Variants in ALB observed in about 807,000 individuals in gnomAD.
ALB encodes the protein serum albumin.
ALB carries 37 observed loss-of-function variants against 74.5 expected under a neutral mutation model. The ratio of observed to expected loss-of-function variants is 0.50; its 90% CI spans 0.38 to 0.65. The LOEUF (loss-of-function observed/expected upper bound fraction) is 0.65, where lower values mean the gene tolerates loss of function less well. Among genes scored for constraint, ALB ranks in the 30% least tolerant of loss-of-function variants. The probability of loss-of-function intolerance (pLI) is 0.00; values close to 1 mark genes in which losing one functional copy is unlikely to be tolerated. For missense variants in ALB, 685 were observed against 718.7 expected, an observed-to-expected ratio of 0.95 and a Z score of 0.54; for synonymous variants, 249 against 251.6, an observed-to-expected ratio of 0.99 and a Z score of 0.10.
rs1719130054 is a variant in ALB, at chr4:73,421,123, G to A, written c.*55G>A. On this transcript the variant is annotated 3_prime_UTR_variant, in exon 15 of 15. Transcript: ENST00000295897. ...ATGAGAATAAGAGAAAGAAAATGAA[G>A]ATCAAAAGCTTATTCATCTGTTTTT... The A allele has an allele frequency of 1.4e-6, 1 of 697,160 alleles. No individual in the cohort carries two copies. The highest frequency in any genetic ancestry group is 1.8e-5 in the African/African-American group (1 of 56,866). 43.2% of individuals were successfully genotyped at this position (697,160 alleles called of 1,614,324 possible). A position where few individuals can be genotyped will look rare whatever the true frequency, so the allele number is the denominator to read the frequency against.
intron 3 of ALB, among the ~76,000 whole-genome samples, chr4:73,407,665 GAAT>G (rs983823775): frequency 6.6e-6 from 1 of 152,104 alleles, no homozygotes; most frequent in Non-Finnish European, 1.5e-5. Context: ...TACCTGGGTG[GAAT>G]AATAGTACAG....
chr4:73,408,612 A>G lies in ALB; in HGVS notation c.289A>G (p.Lys97Glu), dbSNP rs1452576850. 6.2e-7 allele frequency: 1 copy of G among 1,613,878 alleles called. No homozygotes were observed. The highest frequency in any genetic ancestry group is 8.5e-7 in the Non-Finnish European group (1 of 1,179,912). ...DKSLHTLFGDKLCTVATLRET... is the reference protein window; with the variant it reads ...DKSLHTLFGDELCTVATLRET... ...CATTTAGCATACCCTTTTTGGAGAC[A>G]AATTATGCACAGTTGCAACTCTTCG... Residue 97 changes from lysine (K) to glutamate (E), a missense_variant, in exon 4 of 15, where the codon AAA (lysine) becomes GAA (glutamate). Coordinates refer to ENST00000295897, the MANE Select transcript of ALB (RefSeq NM_000477.7).
chr4:73,404,511 C>A (rs1044205877), intron 1 of ALB, 105 bp downstream of exon 1: 5 of 951,018 alleles, frequency 5.3e-6, no homozygotes, highest in Non-Finnish European at 8.4e-6. Context: ...GCATTTATTT[C>A]TAAAATGGCA....
intron 12 of ALB, 53 bp from the exon 13 acceptor site, chr4:73,419,454 A>G: frequency 6.4e-7 from 1 of 1,559,184 alleles, no homozygotes; most frequent in Non-Finnish European, 8.7e-7. Flanking sequence ...ATTTTTCTAT[A>G]CGTGAGTAAT....
chr4:73,420,085 C>T (rs952871287), intron 13 of ALB, among the ~76,000 whole-genome samples, 169 bp from the exon 14 acceptor site: 1 of 152,064 alleles, frequency 6.6e-6, no homozygotes, highest in Non-Finnish European at 1.5e-5. Context: ...CATTTGGGGA[C>T]AACTATGTCC....
At chr4:73,405,780 T>C (rs962368215) in intron 2 of ALB, among the ~76,000 whole-genome samples, 14 of 152,066 alleles carry the variant, frequency 9.2e-5, no homozygotes, top group South Asian at 4.2e-4. Context: ...TTAGTAGAGA[T>C]GGGGTTTCAC....
chr4:73,411,660 A>T (rs1718880440), intron 6 of ALB, among the ~76,000 whole-genome samples: 1 of 152,142 alleles, frequency 6.6e-6, no homozygotes. Context: ...CCCTCTGCTA[A>T]CAAGTCCTAC....
chr4:73,417,453 G>A (rs995265675), intron 10 of ALB, 78 bp from the exon 11 acceptor site: 94 of 1,540,086 alleles, frequency 6.1e-5, no homozygotes, highest in Admixed American at 1.7e-4. Context: ...AGTTGATTCC[G>A]GCCAAGTGTT....
At chr4:73,407,301 T>C (rs1391938974) in intron 3 of ALB, among the ~76,000 whole-genome samples, 1 of 152,180 alleles carries the variant, frequency 6.6e-6, no homozygotes, top group African/African-American at 2.4e-5. Context: ...AGCATTATAC[T>C]CTTTGATTCT....
At chr4:73,409,876 T>A (rs1718828196) in intron 5 of ALB, among the ~76,000 whole-genome samples, 1 of 152,192 alleles carries the variant, frequency 6.6e-6, no homozygotes, top group East Asian at 1.9e-4. Flanking sequence ...TGCATCTAGA[T>A]GCCTGAGTTC....
In ALB at chr4:73,406,646, C is replaced by T. The variant is rs1232154519; in HGVS notation, c.155C>T (p.Ala52Val). 1 of 1,613,770 alleles carries T rather than the reference C, an allele frequency of 6.2e-7. No homozygotes were observed. Among genetic ancestry groups the T allele is most frequent in the Non-Finnish European group, 8.5e-7 (1 of 1,179,906 alleles). The stretch of plus-strand genomic sequence containing the variant: ...TGTTTCAGGGTGTTGATTGCCTTTG[C>T]TCAGTATCTTCAGCAGTGTCCATTT... ...NFKALVLIAF[A>V]QYLQQCPFED... is the part of the protein sequence containing the mutation. The change falls in exon 3 of 15, where the codon GCT becomes GTT. Residue 52 changes from alanine (A) to valine (V), a missense_variant. Coordinates refer to ENST00000295897, the MANE Select transcript of ALB (RefSeq NM_000477.7).
intron 10 of ALB, 31 bp from the exon 11 acceptor site, chr4:73,417,500 T>G (rs1429724207): frequency 6.2e-7 from 1 of 1,613,628 alleles, no homozygotes; most frequent in Non-Finnish European, 8.5e-7. Flanking sequence ...GTTTCTTGCC[T>G]TGCTGAAAAC....
intron 8 of ALB, among the ~76,000 whole-genome samples, chr4:73,414,568 A>G (rs1399466504): frequency 6.6e-6 from 1 of 152,088 alleles, no homozygotes; most frequent in African/African-American, 2.4e-5. Context: ...GGTTCAAGCG[A>G]TTCTCCTGCC....
chr4:73,418,953 G>A (rs2149329842), intron 12 of ALB, among the ~76,000 whole-genome samples: 1 of 152,260 alleles, frequency 6.6e-6, no homozygotes, highest in South Asian at 2.1e-4. Context: ...GTCAGTGAAA[G>A]AGAACCAGCA....
chr4:73,404,302 T>C lies in ALB; in HGVS notation c.-26T>C. 6.3e-7 allele frequency: 1 copy of C among 1,582,448 alleles called. No individual in the cohort carries two copies. The highest frequency in any genetic ancestry group is 8.7e-7 in the Non-Finnish European group (1 of 1,151,312). ...TCCGTTTGTCCTAGCTTTTCTCTTC[T>C]GTCAACCCCACACGCCTTTGGCACA... is the stretch of plus-strand genomic sequence containing the variant. On this transcript the variant is annotated 5_prime_UTR_variant, in exon 1 of 15. Coordinates refer to ENST00000295897, the MANE Select transcript of ALB (RefSeq NM_000477.7).
At chr4:73,413,269 A>T (rs1718924196) in intron 7 of ALB, 151 bp from the exon 8 acceptor site, 6 of 744,646 alleles carry the variant, frequency 8.1e-6, no homozygotes, top group Non-Finnish European at 1.4e-5. Flanking sequence ...CTACATCTCC[A>T]GGTTTAGGAG....
chr4:73,410,231 C>A, intron 5 of ALB, 81 bp from the exon 6 acceptor site: 1 of 1,076,012 alleles, frequency 9.3e-7, no homozygotes, highest in Non-Finnish European at 1.4e-6. Context: ...TTTAATTTGG[C>A]ACAGTCTCAT....
intron 14 of ALB, chr4:73,420,890 T>G: frequency 2.1e-6 from 1 of 471,132 alleles, no homozygotes; most frequent in South Asian, 3.7e-5. Flanking sequence ...ACTTATCTTC[T>G]TATGACAACA....
chr4:73,419,378 A>T, intron 12 of ALB, 129 bp from the exon 13 acceptor site: 1 of 989,408 alleles, frequency 1.0e-6, no homozygotes, highest in Non-Finnish European at 1.5e-6. Context: ...GCCCCAAAGT[A>T]CTCAGAGTTG....
Sources: allele counts gnomAD v4.1 joint callset (sites outside exome capture counted in the v4.1 genomes callset), GRCh38; gene constraint gnomAD v4.1.1; transcripts MANE v1.5; gene names NCBI Gene and HGNC (gene_info 2026-07-23, HGNC 2026-07-21).